C11orf65: variants seen among roughly 807,000 people sequenced by gnomAD.
The protein encoded by C11orf65 is protein MFI.
C11orf65 carries 38 observed loss-of-function variants against 35.3 expected under a neutral mutation model. The ratio of observed to expected loss-of-function variants is 1.08; its 90% CI spans 0.83 to 1.41. C11orf65 has a LOEUF of 1.41. Among genes scored for constraint, C11orf65 ranks in the 40% most tolerant of loss-of-function variants. C11orf65 has a pLI of 0.00. For synonymous variants in C11orf65, 105 were observed against 114.4 expected, an observed-to-expected ratio of 0.92 and a Z score of 0.53; for missense variants, 370 against 367.1, an observed-to-expected ratio of 1.01 and a Z score of -0.06.
intron 2 of C11orf65, among the ~76,000 whole-genome samples, chr11:108,338,472 C>T (rs227066): frequency 0.63 from 96,080 of 152,032 alleles, 30,775 homozygotes; most frequent in Middle Eastern, 0.76. Context: ...CTGGGCAACA[C>T]AGCAAGACCT....
At chr11:108,453,833 A>G (rs2093381263) in intron 2 of C11orf65, among the ~76,000 whole-genome samples, 1 of 152,192 alleles carries the variant, frequency 6.6e-6, no homozygotes, top group African/African-American at 2.4e-5. Flanking sequence ...CTATTCATCT[A>G]TGTTCATCAG....
chr11:108,381,084 C>A (rs2091856697), downstream of C11orf65, among the ~76,000 whole-genome samples: 4 of 152,144 alleles, frequency 2.6e-5, no homozygotes, highest in Admixed American at 2.6e-4. Context: ...GTATGACATG[C>A]AGCTAGGTTG....
chr11:108,379,219 A>T (rs1194689894), downstream of C11orf65, among the ~76,000 whole-genome samples: 1 of 152,192 alleles, frequency 6.6e-6, no homozygotes, highest in Non-Finnish European at 1.5e-5. Flanking sequence ...AAAGACTTGG[A>T]ACCAACCCAA....
intron 2 of C11orf65, 83 bp from the exon 3 acceptor site, chr11:108,431,921 G>C (rs1392312868): frequency 3.2e-5 from 22 of 681,912 alleles, no homozygotes; most frequent in Admixed American, 5.5e-5. Flanking sequence ...GGGCAAAAAC[G>C]AATAAAGTAC....
At chr11:108,334,336 A>G (rs2086598110) in intron 3 of C11orf65, among the ~76,000 whole-genome samples, 1 of 152,172 alleles carries the variant, frequency 6.6e-6, no homozygotes, top group South Asian at 2.1e-4. Context: ...GTGCAGTAAA[A>G]TGTATTGGCT....
intron 2 of C11orf65, among the ~76,000 whole-genome samples, chr11:108,354,391 A>C (rs1482645099): frequency 6.6e-6 from 1 of 152,108 alleles, no homozygotes; most frequent in African/African-American, 2.4e-5. Context: ...ATTTTTATTT[A>C]TAGGAGCTTG....
At position 108,325,572 on chromosome 11, in the gene C11orf65, T is replaced by C. The variant is rs368876711; in HGVS notation, c.641-16501A>G. The C allele has an allele frequency of 2.0e-6, 3 of 1,537,302 alleles. No individual in the cohort carries two copies. The African/African-American group carries it at 4.1e-5, about 21-fold the overall frequency. On this transcript the variant is annotated intron_variant, in intron 6 of 6. Coordinates refer to the C11orf65 transcript ENST00000525729. ...AAATACAATTTAAAACTATGTCATC[T>C]TACCTCTTGACTTTCCTTTTATTAT...
At chr11:108,452,079 C>G (rs904794277) in intron 2 of C11orf65, among the ~76,000 whole-genome samples, 6 of 151,788 alleles carry the variant, frequency 4.0e-5, no homozygotes, top group African/African-American at 1.4e-4. Flanking sequence ...CAATACCATT[C>G]AGGACATAGG....
At position 108,317,448 on chromosome 11, in the gene C11orf65, T is replaced by G. The variant is rs1555114711; in HGVS notation, c.641-8377A>C. 6.2e-7 allele frequency: 1 copy of G among 1,612,648 alleles called. No homozygotes were observed. The highest frequency in any genetic ancestry group is 8.5e-7 in the Non-Finnish European group (1 of 1,179,442). The stretch of plus-strand genomic sequence containing the variant: ...ATTGGATTATGAAAATAAAGACTGG[T>G]GTCCTGAACTAGAAGAACTTCATTA... On this transcript the variant is annotated intron_variant, in intron 6 of 6. Transcript: ENST00000525729.
chr11:108,393,458 C>T, intron 6 of C11orf65, 80 bp from the exon 7 acceptor site: 3 of 1,303,448 alleles, frequency 2.3e-6, no homozygotes, highest in South Asian at 2.7e-5. Flanking sequence ...TATATTGTTG[C>T]TATTTACATA....
At chr11:108,379,643 T>A (rs187610204), downstream of C11orf65, among the ~76,000 whole-genome samples, 1,374 of 147,458 alleles carry the variant, frequency 9.3e-3, 17 homozygotes, top group African/African-American at 0.032. Flanking sequence ...AAAATAAAAT[T>A]AAAAAAAAAA....
upstream of C11orf65, among the ~76,000 whole-genome samples, chr11:108,468,234 G>C (rs2093559278): frequency 6.6e-6 from 1 of 152,320 alleles, no homozygotes; most frequent in South Asian, 2.1e-4. Flanking sequence ...CAAAGAATAC[G>C]TGACTTGCAG....
chr11:108,374,458 A>G (rs1009744212), intron 2 of C11orf65, among the ~76,000 whole-genome samples: 5 of 152,230 alleles, frequency 3.3e-5, no homozygotes, highest in Non-Finnish European at 7.3e-5. Flanking sequence ...TAACAACAGA[A>G]AGGATATCCA....
At chr11:108,368,502 A>T in intron 2 of C11orf65, 1 of 215,708 alleles carries the variant, frequency 4.6e-6, no homozygotes, top group Non-Finnish European at 9.3e-6. Flanking sequence ...ACTGCTGGAG[A>T]AATCAGAATT....
intron 2 of C11orf65, among the ~76,000 whole-genome samples, chr11:108,452,626 T>A (rs140773394): frequency 6.6e-6 from 1 of 152,146 alleles, no homozygotes; most frequent in African/African-American, 2.4e-5. Flanking sequence ...GAAATACCAT[T>A]TGAGCCAGCC....
chr11:108,346,436 G>C (rs1432097236), intron 2 of C11orf65: 1 of 151,616 alleles, frequency 6.6e-6, no homozygotes, highest in African/African-American at 2.4e-5. Context: ...AGATAGTATG[G>C]TTAACAAAAT....
chr11:108,405,432 T>C lies in C11orf65; in HGVS notation c.557A>G (p.Gln186Arg), dbSNP rs765287127. The change falls in exon 6 of 9, where the codon CAA becomes CGA. Residue 186 changes from glutamine to arginine, a missense_variant. By Grantham distance (43) the Gln-to-Arg change is conservative. Coordinates refer to ENST00000393084, the MANE Select transcript of C11orf65 (RefSeq NM_152587.5). The stretch of plus-strand genomic sequence containing the variant: ...AGTAAGTGTTTCATCAACTTACATT[T>C]GCCTCATCCACTCTATTTTTCTAAG... ...RKLRKIEWMR[Q>R]MYYSGSLEAK... The C allele has an allele frequency of 6.2e-7, 1 of 1,609,956 alleles. No individual in the cohort carries two copies. The highest frequency in any genetic ancestry group is 1.3e-5 in the African/African-American group (1 of 74,574).
At chr11:108,415,149 C>T (rs1053074207) in intron 3 of C11orf65, among the ~76,000 whole-genome samples, 5 of 152,010 alleles carry the variant, frequency 3.3e-5, no homozygotes, top group African/African-American at 4.8e-5. Flanking sequence ...ACTGGAAGTC[C>T]TAGCTAATGC....
chr11:108,468,463 T>G (rs2093560085), upstream of C11orf65, among the ~76,000 whole-genome samples: 1 of 152,236 alleles, frequency 6.6e-6, no homozygotes, highest in Non-Finnish European at 1.5e-5. Context: ...TGTTCAGAAC[T>G]GCCCAGTTTT....
Sources: gnomAD v4.1 joint callset for allele counts (sites outside exome capture counted in the v4.1 genomes callset) on GRCh38, gnomAD v4.1.1 for gene constraint, MANE v1.5 for transcripts, NCBI Gene and HGNC (gene_info 2026-07-23, HGNC 2026-07-21) for gene names.